The following LIG1 variants were observed in gnomAD, a reference collection of about 807,000 sequenced individuals.
LIG1 encodes the protein DNA ligase 1.
Under a neutral mutation model 115.7 loss-of-function variants are expected in LIG1, and 70 were observed. That is an observed-to-expected ratio of 0.60 (90% CI 0.50 to 0.74). The LOEUF (loss-of-function observed/expected upper bound fraction) is 0.74. Ranked by LOEUF, LIG1 falls within the 30% of genes least tolerant of loss-of-function variation. The pLI, the probability that LIG1 is intolerant of heterozygous loss-of-function variation, is 0.00. For synonymous variants in LIG1, 487 were observed against 495.3 expected (o/e 0.98, Z 0.22); for missense variants, 1,115 against 1,225.6 (o/e 0.91, Z 1.35).
Position 48,115,896 on chromosome 19 carries a change from C to T in LIG1, c.2653G>A (p.Glu885Lys), listed in dbSNP as rs778165966. Residue 885 changes from glutamate to lysine, a missense_variant, in exon 27 of 28, where the codon GAG (glutamate) becomes AAG (lysine). Transcript: ENST00000263274. Reference sequence around the variant, plus strand: ...ACCTGAGCACTGGTGGTGGCCTGCTCCGGCTGCTTGTCTTCACGGACTCGA... The same window carrying T: ...ACCTGAGCACTGGTGGTGGCCTGCTTCGGCTGCTTGTCTTCACGGACTCGA... ...FIRVREDKQP[E>K]QATTSAQVAC... 4.3e-6 allele frequency: 7 copies of T among 1,613,888 alleles called. No individual in the cohort carries two copies. Among genetic ancestry groups the T allele is most frequent in the Non-Finnish European group, 5.9e-6 (7 of 1,179,986 alleles).
intron 21 of LIG1, among the ~76,000 whole-genome samples, chr19:48,124,652 A>G (rs1270071027): frequency 6.6e-6 from 1 of 152,262 alleles, no homozygotes; most frequent in Non-Finnish European, 1.5e-5. Context: ...TATCTTAGAC[A>G]TTGGATTAAA....
Position 48,122,644 on chromosome 19 carries a change from G to A in LIG1, c.2232+290C>T, listed in dbSNP as rs1001834670. On this transcript the variant is annotated intron_variant, in intron 23 of 27. Transcript: ENST00000263274. The surrounding 1 kb of genome is among the most constrained non-coding windows in gnomAD (Gnocchi z 4.3). ...ATGTCCTGGCTTAATTCCTGCCCAA[G>A]AGCCTGGCCCGACACGGGCGGCAGG... 1.3e-5 allele frequency among the ~76,000 whole-genome samples: 2 copies of A among 152,224 alleles called. No individual in the cohort carries two copies. The highest frequency in any genetic ancestry group is 2.9e-5 in the Non-Finnish European group (2 of 68,052).
intron 11 of LIG1, 111 bp downstream of exon 11, chr19:48,143,432 G>C: frequency 9.8e-7 from 1 of 1,023,434 alleles, no homozygotes; most frequent in Non-Finnish European, 1.6e-6. Context: ...CCCGAGCGGG[G>C]TCAGAGGCCA....
intron 6 of LIG1, among the ~76,000 whole-genome samples, chr19:48,151,804 G>A (rs909396561): frequency 1.8e-5 from 2 of 110,120 alleles, no homozygotes; most frequent in African/African-American, 7.1e-5. Flanking sequence ...CCTTGAGGGG[G>A]TCCAGCCCGT....
In LIG1 at chr19:48,151,258, G is replaced by A. The variant is rs564476088; in HGVS notation, c.548C>T (p.Thr183Met). The change falls in exon 7 of 28, where the codon ACG (threonine) becomes ATG (methionine). Residue 183 changes from threonine (T) to methionine (M), a missense_variant. By Grantham distance (81) the Thr-to-Met change is moderately conservative (BLOSUM62 -1). Transcript: ENST00000263274. ...GGAGGTCTTTAGGGGCTTGGGAGGCGTGGTGGGCTGGTCCCCGTCTTCTCC... is the reference window on the plus strand; with the variant it reads ...GGAGGTCTTTAGGGGCTTGGGAGGCATGGTGGGCTGGTCCCCGTCTTCTCC... Reference protein sequence around the residue: ...KEGEDGDQPTTPPKPLKTSKA... With the variant: ...KEGEDGDQPTMPPKPLKTSKA... The A allele has an allele frequency of 4.7e-5, 76 of 1,613,564 alleles. 1 individual carries two copies. Among genetic ancestry groups the A allele is most frequent in the Middle Eastern group, 3.3e-4 (2 of 6,062 alleles).
At chr19:48,132,926 C>A in intron 18 of LIG1, 56 bp downstream of exon 18, 1 of 1,307,328 alleles carries the variant, frequency 7.6e-7, no homozygotes. Flanking sequence ...TGACCCCACA[C>A]CCCTGCTCTT....
rs1214898617 is a variant in LIG1 at position 48,136,045 on chromosome 19, G to T, written c.1412C>A (p.Pro471His). 1.3e-6 allele frequency: 2 copies of T among 1,565,522 alleles called. No individual in the cohort carries two copies. Among genetic ancestry groups the T allele is most frequent in the African/African-American group, 2.7e-5 (2 of 73,744 alleles). The part of the protein sequence containing the change: ...AALSQAVSLT[P>H]PGQEFPPAMV... ...CCACAGGAGCTCACCTTGGCCCGGG[G>T]GCGTGAGGCTCACTGCCTGGGAGAG... Residue 471 changes from proline to histidine, a missense_variant, in exon 15 of 28, where the codon CCC becomes CAC. Pro to His is a moderately conservative substitution (Grantham distance 77). Coordinates refer to ENST00000263274, the MANE Select transcript of LIG1 (RefSeq NM_000234.3).
intron 21 of LIG1, chr19:48,123,561 G>A (rs908229399): frequency 5.2e-6 from 3 of 573,986 alleles, no homozygotes; most frequent in African/African-American, 3.8e-5. Context: ...CAGACGGGGG[G>A]CTGCGGCCTT....
chr19:48,146,065 G>A (rs951150324), intron 9 of LIG1: 1 of 152,320 alleles, frequency 6.6e-6, no homozygotes, highest in Non-Finnish European at 1.5e-5. Context: ...GGCACGTGGG[G>A]AAGAGTGGGT....
Position 48,160,933 on chromosome 19 carries a change from C to T in LIG1, c.243+439G>A, listed in dbSNP as rs558621124. ...ACATTTTTTTGTAGAGATGGGGTCT[C>T]GCTATGTTGCCCAGCCTGGTCTCGA... On this transcript the variant is annotated intron_variant, in intron 4 of 27. Coordinates refer to ENST00000263274, the MANE Select transcript of LIG1 (RefSeq NM_000234.3). Among the ~76,000 whole-genome samples the T allele has an allele frequency of 2.0e-4, 31 of 152,042 alleles. 2 individuals carry two copies. In the South Asian group the frequency reaches 6.2e-3, roughly 31 times the overall value.
chr19:48,162,417 T>A, intron 2 of LIG1, 66 bp from the exon 3 acceptor site: 1 of 1,140,946 alleles, frequency 8.8e-7, no homozygotes, highest in Non-Finnish European at 1.3e-6. Context: ...CTATCTATGC[T>A]GTATCCTATA....
At chr19:48,141,940 T>C (rs1256890856) in intron 11 of LIG1, among the ~76,000 whole-genome samples, 2 of 152,200 alleles carry the variant, frequency 1.3e-5, no homozygotes, top group Non-Finnish European at 2.9e-5. Flanking sequence ...TTTGCGGATG[T>C]ACCTGTAGAT....
At chr19:48,154,194 C>A in intron 5 of LIG1, 1 of 550,662 alleles carries the variant, frequency 1.8e-6, no homozygotes, top group Non-Finnish European at 3.3e-6. Context: ...TGCTCTCTCA[C>A]GACTGCAGAA....
chr19:48,122,565 G>A lies in LIG1; in HGVS notation c.2232+369C>T, dbSNP rs906704703. ...CTCCCAGCCCCGCCTTGCTGGCCCG[G>A]AGCTGACTTGCTTTTCTTCATGGCG... is the stretch of plus-strand genomic sequence containing the variant. On this transcript the variant is annotated intron_variant, in intron 23 of 27. Transcript: ENST00000263274. The surrounding 1 kb of genome is among the most constrained non-coding windows in gnomAD (Gnocchi z 4.3). Among the ~76,000 whole-genome samples, 1 of 152,202 alleles carries A rather than the reference G, an allele frequency of 6.6e-6. No individual in the cohort carries two copies. The highest frequency in any genetic ancestry group is 1.5e-5 in the Non-Finnish European group (1 of 68,040).
rs775295879 is a variant in LIG1 at position 48,150,197 on chromosome 19, C to A, written c.588G>T (p.Pro196=). The A allele has an allele frequency of 6.2e-7, 1 of 1,614,036 alleles. No individual in the cohort carries two copies. Among genetic ancestry groups the A allele is most frequent in the African/African-American group, 1.3e-5 (1 of 74,920 alleles). Residue 196 remains proline (P), a synonymous_variant, in exon 8 of 28, where the codon CCG becomes CCT. Transcript: ENST00000263274. ...CCTCAGGCTCTGAAACGCTTTCCGTCGGGGTCTCTGCTTCTGCGGTGAGAG... is the reference window on the plus strand; with the variant it reads ...CCTCAGGCTCTGAAACGCTTTCCGTAGGGGTCTCTGCTTCTGCGGTGAGAG... ...KPLKTSKAET[P]TESVSEPEVA...
chr19:48,150,397 G>A (rs905791853), intron 7 of LIG1, among the ~76,000 whole-genome samples, 187 bp from the exon 8 acceptor site: 1 of 152,032 alleles, frequency 6.6e-6, no homozygotes, highest in East Asian at 1.9e-4. Context: ...GCTAACTAGC[G>A]GAATTCTAGC....
rs1864562577 is a variant in LIG1, at chr19:48,137,385, G to A, written c.1254+137C>T. ...CCCCTAGGATTGGGTGCAGGAAGGA[G>A]GAGAGGAAGCTGTGCACCCCATGAG... On this transcript the variant is annotated intron_variant, in intron 13 of 27. Coordinates refer to ENST00000263274, the MANE Select transcript of LIG1 (RefSeq NM_000234.3). This position sits in a 1 kb window ranked among gnomAD's most constrained non-coding sequence, Gnocchi z 4.3. 8.0e-6 allele frequency: 9 copies of A among 1,120,228 alleles called. No individual in the cohort carries two copies. The South Asian group carries it at 1.1e-4, about 14-fold the overall frequency. The allele number at this position is 1,120,228 out of a possible 1,614,324, so 69.4% of individuals were successfully genotyped here. A position where few individuals can be genotyped will look rare whatever the true frequency, so the allele number is the denominator to read the frequency against.
At position 48,166,380 on chromosome 19, in the gene LIG1, G is replaced by C. The variant is rs575239575; in HGVS notation, c.-57-757C>G. Among the ~76,000 whole-genome samples the C allele has an allele frequency of 3.9e-5, 6 of 152,274 alleles. No individual in the cohort carries two copies. The South Asian group carries it at 1.2e-3, about 32-fold the overall frequency. On this transcript the variant is annotated intron_variant, in intron 1 of 27. Transcript: ENST00000263274. Reference sequence around the variant, plus strand: ...CTACTGCACTCCAGCCTGGACAAGAGTGAAACTCCATCTCAAAAAACAAAA... The same window carrying C: ...CTACTGCACTCCAGCCTGGACAAGACTGAAACTCCATCTCAAAAAACAAAA...
intron 11 of LIG1, among the ~76,000 whole-genome samples, chr19:48,143,121 C>T (rs777676205): frequency 8.5e-5 from 13 of 152,136 alleles, no homozygotes; most frequent in Non-Finnish European, 1.6e-4. Flanking sequence ...TGGGGTGGGA[C>T]GCTCTGCAGG....
Sources: gnomAD v4.1 joint callset for allele counts (sites outside exome capture counted in the v4.1 genomes callset) on GRCh38, gnomAD v4.1.1 for gene constraint, Gnocchi (gnomAD v3.1) non-coding constraint, MANE v1.5 for transcripts, NCBI Gene and HGNC (gene_info 2026-07-23, HGNC 2026-07-21) for gene names.